Variants in FSTL5 observed in about 807,000 individuals in gnomAD.
The protein encoded by FSTL5 is follistatin-related protein 5.
Under a neutral mutation model 89.1 loss-of-function variants are expected in FSTL5, and 62 were observed. That is an observed-to-expected ratio of 0.70 (90% CI 0.57 to 0.86). FSTL5 has a LOEUF of 0.86. Among genes scored for constraint, FSTL5 ranks in the 40% least tolerant of loss-of-function variants. The pLI is 0.00. For missense variants in FSTL5, 1,057 were observed against 1,001.6 expected (o/e 1.06, Z -0.75); for synonymous variants, 383 against 346.2 (o/e 1.11, Z -1.18).
intron 3 of FSTL5, among the ~76,000 whole-genome samples, chr4:162,021,836 T>C (rs1197048343): frequency 6.7e-6 from 1 of 150,042 alleles, no homozygotes; most frequent in East Asian, 2.0e-4. Flanking sequence ...CTCACACCTG[T>C]AATCCCAGCA....
chr4:161,678,862 G>A (rs1737414145), intron 6 of FSTL5, among the ~76,000 whole-genome samples: 1 of 151,676 alleles, frequency 6.6e-6, no homozygotes, highest in Non-Finnish European at 1.5e-5. Flanking sequence ...TAAAACATTA[G>A]TTCTAGCACA....
intron 3 of FSTL5, among the ~76,000 whole-genome samples, chr4:161,940,322 C>T (rs1195245057): frequency 2.0e-5 from 3 of 151,516 alleles, no homozygotes; most frequent in Non-Finnish European, 4.4e-5. Context: ...ACGCTATCTG[C>T]ATAACAGTAG....
At chr4:161,603,006 A>T (rs1734302334) in intron 7 of FSTL5, among the ~76,000 whole-genome samples, 1 of 152,190 alleles carries the variant, frequency 6.6e-6, no homozygotes, top group Admixed American at 6.5e-5. Context: ...AATTTACTAC[A>T]TTAAACAAAA....
chr4:161,551,444 T>C (rs1156456627), intron 8 of FSTL5, among the ~76,000 whole-genome samples: 1 of 151,826 alleles, frequency 6.6e-6, no homozygotes, highest in African/African-American at 2.4e-5. Flanking sequence ...TGTTTTTTTC[T>C]TGTAAATTTG....
At chr4:161,463,634 G>C (rs2126419143) in intron 13 of FSTL5, among the ~76,000 whole-genome samples, 1 of 152,140 alleles carries the variant, frequency 6.6e-6, no homozygotes, top group East Asian at 1.9e-4. Flanking sequence ...TCTTGAAATG[G>C]ACTTTAAAGA....
At chr4:161,813,985 G>A (rs1240592587) in intron 4 of FSTL5, among the ~76,000 whole-genome samples, 1 of 151,456 alleles carries the variant, frequency 6.6e-6, no homozygotes, top group Non-Finnish European at 1.5e-5. Flanking sequence ...GTTAATATAG[G>A]AATTCAAAGA....
chr4:161,490,874 T>C (rs534645915), intron 12 of FSTL5, among the ~76,000 whole-genome samples: 1 of 152,220 alleles, frequency 6.6e-6, no homozygotes, highest in South Asian at 2.1e-4. Context: ...TTGTTATACA[T>C]GTATACCATT....
At chr4:161,677,152 A>G (rs1008873679) in intron 6 of FSTL5, among the ~76,000 whole-genome samples, 16 of 152,008 alleles carry the variant, frequency 1.1e-4, no homozygotes, top group African/African-American at 3.9e-4. Context: ...TGATCATAAA[A>G]TTACAAAATG....
intron 8 of FSTL5, among the ~76,000 whole-genome samples, chr4:161,586,942 C>T (rs1032874309): frequency 3.9e-5 from 6 of 152,082 alleles, no homozygotes; most frequent in East Asian, 3.9e-4. Context: ...TGTATTAATG[C>T]TAGTAAATAA....
At position 161,620,489 on chromosome 4, in the gene FSTL5, T is replaced by C. The variant is rs1253204028; in HGVS notation, c.895-32914A>G. Among the ~76,000 whole-genome samples the C allele has an allele frequency of 7.2e-5, 11 of 152,200 alleles. No individual in the cohort carries two copies. The East Asian group carries it at 1.7e-3, about 24-fold the overall frequency. Reference sequence around the variant, plus strand: ...GACCACTATGGAGAAACCTCTTTTCTACTAAAAATACAAAAAATTAGCCGG... The same window carrying C: ...GACCACTATGGAGAAACCTCTTTTCCACTAAAAATACAAAAAATTAGCCGG... On this transcript the variant is annotated intron_variant, in intron 7 of 15. Transcript: ENST00000306100.
chr4:161,603,206 C>T (rs1414609977), intron 7 of FSTL5, among the ~76,000 whole-genome samples: 1 of 152,088 alleles, frequency 6.6e-6, no homozygotes, highest in Non-Finnish European at 1.5e-5. Context: ...ATTGTAGGTG[C>T]AGTTTCAGAC....
At chr4:161,531,840 T>G (rs1250363443) in intron 10 of FSTL5, among the ~76,000 whole-genome samples, 1 of 152,164 alleles carries the variant, frequency 6.6e-6, no homozygotes, top group African/African-American at 2.4e-5. Context: ...AAAACTCTGA[T>G]TTGTAGCAAT....
At chr4:161,600,263 A>T (rs965658134) in intron 7 of FSTL5, among the ~76,000 whole-genome samples, 1 of 151,504 alleles carries the variant, frequency 6.6e-6, no homozygotes, top group African/African-American at 2.4e-5. Context: ...TGTCTTAGGG[A>T]TGTATACATT....
chr4:161,935,829 G>A (rs927174243), intron 3 of FSTL5, among the ~76,000 whole-genome samples: 2 of 152,120 alleles, frequency 1.3e-5, no homozygotes, highest in African/African-American at 4.8e-5. Flanking sequence ...ATCATTTTAT[G>A]AGAAATGCAC....
intron 1 of FSTL5, among the ~76,000 whole-genome samples, chr4:162,161,459 A>G (rs999839962): frequency 6.6e-6 from 1 of 151,024 alleles, no homozygotes; most frequent in African/African-American, 2.4e-5. Flanking sequence ...GAAAAATCAG[A>G]AAAAAAAATG....
intron 6 of FSTL5, among the ~76,000 whole-genome samples, chr4:161,674,163 G>A (rs1359887775): frequency 6.6e-6 from 1 of 151,962 alleles, no homozygotes; most frequent in Non-Finnish European, 1.5e-5. Flanking sequence ...TTAGTAAGAA[G>A]CTTTAAAAGC....
chr4:161,500,795 G>A (rs926114595), intron 11 of FSTL5, among the ~76,000 whole-genome samples: 6 of 152,110 alleles, frequency 3.9e-5, no homozygotes, highest in Non-Finnish European at 5.9e-5. Flanking sequence ...GGATCTGGAT[G>A]TGTGGTGTCT....
At chr4:162,036,743 A>G (rs1336861158) in intron 2 of FSTL5, among the ~76,000 whole-genome samples, 1 of 152,044 alleles carries the variant, frequency 6.6e-6, no homozygotes, top group African/African-American at 2.4e-5. Context: ...TTTCAATAGT[A>G]CAGAATTATT....
chr4:161,787,281 G>T (rs1741940991), intron 4 of FSTL5, among the ~76,000 whole-genome samples: 1 of 152,094 alleles, frequency 6.6e-6, no homozygotes, highest in African/African-American at 2.4e-5. Flanking sequence ...TTGCTTTGAA[G>T]CTCTGTAGTT....
Sources: allele counts gnomAD v4.1 joint callset (sites outside exome capture counted in the v4.1 genomes callset), GRCh38; gene constraint gnomAD v4.1.1; transcripts MANE v1.5; gene names NCBI Gene and HGNC (gene_info 2026-07-23, HGNC 2026-07-21).